The following CDK2AP1 variants were observed in gnomAD, a reference collection of about 807,000 sequenced individuals.
CDK2AP1 encodes cyclin dependent kinase 2 associated protein 1.
CDK2AP1 carries 10 observed loss-of-function variants against 14.1 expected under a neutral mutation model. The observed-to-expected ratio is 0.71, with a 90% confidence interval of 0.44 to 1.20. The LOEUF (loss-of-function observed/expected upper bound fraction) is 1.20, where lower values mean the gene tolerates loss of function less well. CDK2AP1 is among the 50% of genes most tolerant of loss of function. The pLI is 0.00. For synonymous variants in CDK2AP1, 59 were observed against 59.8 expected, an observed-to-expected ratio of 0.99 and a Z score of 0.06; for missense variants, 102 against 149.9, an observed-to-expected ratio of 0.68 and a Z score of 1.67.
intron 1 of CDK2AP1, among the ~76,000 whole-genome samples, chr12:123,270,695 G>A (rs1378564943): frequency 6.6e-6 from 1 of 152,134 alleles, no homozygotes; most frequent in Non-Finnish European, 1.5e-5. Flanking sequence ...GGAGTTTCCT[G>A]GGAGCGCCCG....
chr12:123,265,377 C>T lies in CDK2AP1; in HGVS notation c.154-55G>A, dbSNP rs1306236563. On this transcript the variant is annotated intron_variant, in intron 2 of 3. Coordinates refer to ENST00000261692, the MANE Select transcript of CDK2AP1 (RefSeq NM_004642.4). The surrounding 1 kb of genome is among the most constrained non-coding windows in gnomAD (Gnocchi z 5.3). ...AATCAGCCGGGCGTGGTGGTGCGTG[C>T]CTGTAGTCCCAGTTACTCAGGAGGC... The T allele has an allele frequency of 8.2e-6, 13 of 1,581,442 alleles. No homozygotes were observed. Among genetic ancestry groups the T allele is most frequent in the Non-Finnish European group, 1.0e-5 (12 of 1,151,738 alleles).
intron 2 of CDK2AP1, among the ~76,000 whole-genome samples, chr12:123,266,261 C>T (rs1210465122): frequency 6.6e-6 from 1 of 152,252 alleles, no homozygotes; most frequent in Non-Finnish European, 1.5e-5. Flanking sequence ...CCTCACGGGC[C>T]TCCCGCCTGT....
intron 3 of CDK2AP1, among the ~76,000 whole-genome samples, chr12:123,264,538 T>TCTG (rs1054473305): frequency 1.4e-5 from 2 of 145,246 alleles, no homozygotes; most frequent in African/African-American, 5.1e-5. Flanking sequence ...GGGCTATGGC[T>TCTG]CTGCTGCACT....
At chr12:123,264,462 CAAAAAAAAAAAAAAAAAAAA>C (rs1167157405) in intron 3 of CDK2AP1, among the ~76,000 whole-genome samples, 1 of 69,888 alleles carries the variant, frequency 1.4e-5, no homozygotes, top group Non-Finnish European at 2.4e-5. Flanking sequence ...CTCCGTCTCC[CAAAAAAAAAAAAAAAAAAAA>C]AAAAAAAAAG....
chr12:123,264,462 C>CAAGAAAAAAAAA (rs2048267195), intron 3 of CDK2AP1, among the ~76,000 whole-genome samples: 1 of 69,888 alleles, frequency 1.4e-5, no homozygotes, highest in Non-Finnish European at 2.4e-5. Context: ...CTCCGTCTCC[C>CAAGAAAAAAAAA]AAAAAAAAAA....
intron 1 of CDK2AP1, among the ~76,000 whole-genome samples, chr12:123,269,542 C>T (rs1052835922): frequency 6.6e-6 from 1 of 152,232 alleles, no homozygotes; most frequent in Admixed American, 6.5e-5. Context: ...AGACAATGAG[C>T]GCAGTGTGCA....
upstream of CDK2AP1, chr12:123,272,023 G>C (rs2048359221): frequency 2.0e-5 from 3 of 148,338 alleles, no homozygotes; most frequent in African/African-American, 7.3e-5. Flanking sequence ...GCGCGTCCGG[G>C]CGGCTGCCCC....
chr12:123,268,675 G>A (rs369428286), intron 1 of CDK2AP1, among the ~76,000 whole-genome samples: 1 of 152,224 alleles, frequency 6.6e-6, no homozygotes, highest in African/African-American at 2.4e-5. Flanking sequence ...CGCCTCCCAC[G>A]TGGGGATGAT....
At chr12:123,267,334 G>C (rs2048307970) in intron 1 of CDK2AP1, 52 bp from the exon 2 acceptor site, 1 of 1,128,044 alleles carries the variant, frequency 8.9e-7, no homozygotes, top group Non-Finnish European at 1.4e-6. Context: ...GTTGTACCAA[G>C]GCAAGGACTC....
chr12:123,267,667 A>T (rs894907682), intron 1 of CDK2AP1: 48 of 201,278 alleles, frequency 2.4e-4, no homozygotes, highest in African/African-American at 1.1e-3. Context: ...ACAGCGCCAC[A>T]TAGGCTGGTC....
At chr12:123,262,638 C>T (rs1223180607) in intron 3 of CDK2AP1, among the ~76,000 whole-genome samples, 4 of 152,184 alleles carry the variant, frequency 2.6e-5, no homozygotes, top group Non-Finnish European at 5.9e-5. Flanking sequence ...TGCAGTGGCA[C>T]GATCACAGCT....
rs1231449845 is a variant in CDK2AP1, at chr12:123,271,610, G to A, written c.9C>T (p.Tyr3=). 4.0e-6 allele frequency: 4 copies of A among 1,001,926 alleles called. No individual in the cohort carries two copies. The highest frequency in any genetic ancestry group is 3.5e-5 in the African/African-American group (2 of 57,038). 62.1% of individuals were successfully genotyped at this position (1,001,926 alleles called of 1,614,324 possible). A position where few individuals can be genotyped will look rare whatever the true frequency, so the allele number is the denominator to read the frequency against. MS[Y]KPNLAAHMPA... Reference sequence around the variant, plus strand: ...GCATGTGCGCGGCCAAGTTCGGTTTGTAAGACATCCCCCCGGGCGGCGGGC... The same window carrying A: ...GCATGTGCGCGGCCAAGTTCGGTTTATAAGACATCCCCCCGGGCGGCGGGC... Residue 3 remains tyrosine, a synonymous_variant, in exon 1 of 4, where the codon TAC becomes TAT. Transcript: ENST00000261692.
chr12:123,264,680 T>C (rs952546808), intron 3 of CDK2AP1, among the ~76,000 whole-genome samples: 3 of 152,022 alleles, frequency 2.0e-5, no homozygotes, highest in Non-Finnish European at 4.4e-5. Context: ...TGCTCTGTCA[T>C]CTCCTGCCTG....
rs1248701143 is a variant in CDK2AP1, at chr12:123,261,642, ATT to A, written c.*92_*93del. ...TGGGAGGAAAAACGAAACTGTAACCATTTTGAAAACAAGGGTTTCATCTGAAC... is the reference window on the plus strand; with the variant it reads ...TGGGAGGAAAAACGAAACTGTAACCATTGAAAACAAGGGTTTCATCTGAAC... On this transcript the variant is annotated 3_prime_UTR_variant, in exon 4 of 4. Transcript: ENST00000261692. 52 of 1,059,444 alleles carry A rather than the reference ATT, an allele frequency of 4.9e-5. No individual in the cohort carries two copies. In the East Asian group the frequency reaches 1.1e-3, roughly 23 times the overall value. The allele number at this position is 1,059,444 out of a possible 1,614,324, so 65.6% of individuals were successfully genotyped here.
rs2048354590 is a variant in CDK2AP1 at position 123,271,634 on chromosome 12, G to C, written c.-16C>G. On this transcript the variant is annotated 5_prime_UTR_variant, in exon 1 of 4. Transcript: ENST00000261692. ...TGTAAGACATCCCCCCGGGCGGCGG[G>C]CGCGCCGGGCGCGGCGGGGCCAGGC... 1.0e-6 allele frequency: 1 copy of C among 977,710 alleles called. No individual in the cohort carries two copies. Among genetic ancestry groups the C allele is most frequent in the Non-Finnish European group, 1.2e-6 (1 of 824,914 alleles). The allele number at this position is 977,710 out of a possible 1,614,324, so 60.6% of individuals were successfully genotyped here. A position where few individuals can be genotyped will look rare whatever the true frequency, so the allele number is the denominator to read the frequency against.
chr12:123,270,854 G>C (rs1434826359), intron 1 of CDK2AP1: 14 of 984,890 alleles, frequency 1.4e-5, no homozygotes, highest in Non-Finnish European at 1.7e-5. Flanking sequence ...AGCAGCCCCA[G>C]AGCTGCGCCA....
upstream of CDK2AP1, chr12:123,272,218 T>G (rs2048360489): frequency 6.6e-6 from 1 of 152,220 alleles, no homozygotes; most frequent in African/African-American, 2.4e-5. Flanking sequence ...CGCCCAGGTC[T>G]GGCCAAGCCC....
rs139007866 is a variant in CDK2AP1, at chr12:123,267,105, C to A, written c.153+80G>T. The stretch of plus-strand genomic sequence containing the variant: ...CATCCTTTCTGCTCCTTCGTCTCTT[C>A]CACCAACTTCTCTCCTCTGATGGTG... On this transcript the variant is annotated intron_variant, in intron 2 of 3. Coordinates refer to ENST00000261692, the MANE Select transcript of CDK2AP1 (RefSeq NM_004642.4). The A allele has an allele frequency of 3.4e-4, 302 of 897,176 alleles. No homozygotes were observed. In the African/African-American group the frequency reaches 4.3e-3, roughly 13 times the overall value. The allele number at this position is 897,176 out of a possible 1,614,324, so 55.6% of individuals were successfully genotyped here.
In CDK2AP1 at chr12:123,271,810, A is replaced by G. The variant is rs1245434451; in HGVS notation, c.-192T>C. ...GCCGTCCGCGCCCTGCCGCCGCCGC[A>G]GTCTCACCCAGGCCCCGGGTGCGGC... On this transcript the variant is annotated 5_prime_UTR_variant, in exon 1 of 4. Transcript: ENST00000261692. The G allele has an allele frequency of 6.8e-6, 1 of 146,464 alleles. No homozygotes were observed. Among genetic ancestry groups the G allele is most frequent in the African/African-American group, 2.5e-5 (1 of 40,656 alleles). 9.1% of individuals were successfully genotyped at this position (146,464 alleles called of 1,614,324 possible). A position where few individuals can be genotyped will look rare whatever the true frequency, so the allele number is the denominator to read the frequency against.
Sources: allele counts gnomAD v4.1 joint callset (sites outside exome capture counted in the v4.1 genomes callset), GRCh38; gene constraint gnomAD v4.1.1; non-coding constraint Gnocchi (gnomAD v3.1); transcripts MANE v1.5; gene names NCBI Gene and HGNC (gene_info 2026-07-23, HGNC 2026-07-21).